The following ZNF611 variants were observed in gnomAD, a reference collection of about 807,000 sequenced individuals.
ZNF611 encodes zinc finger protein 611.
ZNF611 carries 6 observed loss-of-function variants against 8.9 expected under a neutral mutation model. The observed-to-expected ratio is 0.68, with a 90% CI of 0.37 to 1.34. ZNF611 has a LOEUF of 1.34. Ranked by LOEUF, ZNF611 falls within the 40% of genes most tolerant of loss-of-function variation. ZNF611 has a pLI of 0.02. For synonymous variants in ZNF611, 262 were observed against 279.7 expected, an observed-to-expected ratio of 0.94 and a Z score of 0.63; for missense variants, 874 against 841.3, an observed-to-expected ratio of 1.04 and a Z score of -0.48.
intron 3 of ZNF611, among the ~76,000 whole-genome samples, chr19:52,720,741 C>T (rs59745462): frequency 0.021 from 2,958 of 141,782 alleles, 98 homozygotes; most frequent in African/African-American, 0.079. Context: ...ACATCCCAGA[C>T]GGGGTGGCCA....
chr19:52,707,408 T>C (rs1451277973), intron 5 of ZNF611: 2 of 152,244 alleles, frequency 1.3e-5, no homozygotes, highest in African/African-American at 4.8e-5. Context: ...TAGCCAGGTA[T>C]GGTGGCCCAT....
chr19:52,716,244 C>T (rs2062316673), intron 3 of ZNF611: 1 of 219,836 alleles, frequency 4.5e-6, no homozygotes, highest in Non-Finnish European at 9.1e-6. Context: ...CTGTGGATCA[C>T]AGGCTGAGGT....
intron 3 of ZNF611, among the ~76,000 whole-genome samples, chr19:52,722,052 A>AAAT (rs139356801): frequency 3.3e-5 from 5 of 151,826 alleles, no homozygotes; most frequent in African/African-American, 7.3e-5. Context: ...CTCCACTGCA[A>AAAT]AATAATAATA....
intron 1 of ZNF611, among the ~76,000 whole-genome samples, chr19:52,733,507 G>A (rs2062438118): frequency 6.6e-6 from 1 of 151,086 alleles, no homozygotes; most frequent in Non-Finnish European, 1.5e-5. Context: ...TCACTATGTT[G>A]CCCAAGCTGG....
Position 52,704,433 on chromosome 19 carries a change from C to T in ZNF611, c.*504G>A, listed in dbSNP as rs1182100348. 43 of 713,506 alleles carry T rather than the reference C, an allele frequency of 6.0e-5. 2 individuals carry two copies. Among genetic ancestry groups the T allele is most frequent in the South Asian group, 5.8e-4 (41 of 70,526 alleles). The allele number at this position is 713,506 out of a possible 1,614,324, so 44.2% of individuals were successfully genotyped here. ...CAAAGGCTTTGCCACAATCATCACACTTGTGAGGTTTCTCTCCTGTATAAA... is the reference window on the plus strand; with the variant it reads ...CAAAGGCTTTGCCACAATCATCACATTTGTGAGGTTTCTCTCCTGTATAAA... On this transcript the variant is annotated 3_prime_UTR_variant, in exon 6 of 6. Coordinates refer to ENST00000652185, the MANE Select transcript of ZNF611 (RefSeq NM_001161499.2).
intron 3 of ZNF611, among the ~76,000 whole-genome samples, chr19:52,720,022 C>T (rs895594481): frequency 1.2e-4 from 18 of 151,186 alleles, no homozygotes; most frequent in African/African-American, 2.9e-4. Flanking sequence ...CATCTTGCAC[C>T]GCCCTTAATC....
At chr19:52,714,202 AAAATGAG>A (rs1568603404) in intron 4 of ZNF611, 61 bp from the exon 5 acceptor site, 1 of 1,582,866 alleles carries the variant, frequency 6.3e-7, no homozygotes, top group African/African-American at 1.4e-5. Flanking sequence ...ACCTTCACAG[AAAATGAG>A]AAATGAGAAA....
Position 52,703,122 on chromosome 19 carries a change from T to G in ZNF611, c.*1815A>C, listed in dbSNP as rs1390354392. ...GGCATCTTTCAGAAGTCATTATGTA[T>G]TAAGAAATACAACTTTTATAACTTA... On this transcript the variant is annotated 3_prime_UTR_variant, in exon 6 of 6. Coordinates refer to ENST00000652185, the MANE Select transcript of ZNF611 (RefSeq NM_001161499.2). 6 of 152,074 alleles carry G rather than the reference T, an allele frequency of 3.9e-5. No individual in the cohort carries two copies. The highest frequency in any genetic ancestry group is 3.2e-3 in the Middle Eastern group (1 of 316). 9.4% of individuals were successfully genotyped at this position (152,074 alleles called of 1,614,324 possible). A position where few individuals can be genotyped will look rare whatever the true frequency, so the allele number is the denominator to read the frequency against.
chr19:52,706,064 G>C lies in ZNF611; in HGVS notation c.991C>G (p.Leu331Val), dbSNP rs140342144. The change falls in exon 6 of 6, where the codon CTA becomes GTA. Residue 331 changes from leucine (L) to valine (V), a missense_variant. Leu to Val is a conservative substitution (Grantham distance 32, BLOSUM62 1). Transcript: ENST00000652185. ...CCAGTATCAATTGCCTTATCAATTA[G>C]AAGGGCTGAATTTTGACCAAAGATC... Reference protein sequence around the residue: ...GKIFGQNSALLIDKAIDTGEN... With the variant: ...GKIFGQNSALVIDKAIDTGEN... The C allele has an allele frequency of 2.5e-6, 4 of 1,613,832 alleles. No homozygotes were observed. In the African/African-American group the frequency reaches 4.0e-5, roughly 16 times the overall value.
chr19:52,720,778 TG>T, intron 3 of ZNF611: 1 of 93,518 alleles, frequency 1.1e-5, no homozygotes, highest in Non-Finnish European at 2.1e-5. Context: ...ACTTCCCCGA[TG>T]GGGTGGCGGC....
chr19:52,711,842 T>A (rs2062282279), intron 5 of ZNF611, among the ~76,000 whole-genome samples: 1 of 152,026 alleles, frequency 6.6e-6, no homozygotes, highest in African/African-American at 2.4e-5. Context: ...GGTATTTGCA[T>A]CCAGATCAAT....
In ZNF611 at chr19:52,713,899, A is replaced by G. The variant is rs1285245257; in HGVS notation, c.190+116T>C. Reference sequence around the variant, plus strand: ...GGAGCGAAACACCATCTCAAAAACAAAAAACAAAAAACAAAACCCATGTAT... The same window carrying G: ...GGAGCGAAACACCATCTCAAAAACAGAAAACAAAAAACAAAACCCATGTAT... On this transcript the variant is annotated intron_variant, in intron 5 of 5. Coordinates refer to ENST00000652185, the MANE Select transcript of ZNF611 (RefSeq NM_001161499.2). 12 of 1,555,088 alleles carry G rather than the reference A, an allele frequency of 7.7e-6. No homozygotes were observed. In the East Asian group the frequency reaches 2.5e-4, roughly 32 times the overall value.
At chr19:52,713,460 T>C (rs1797744026) in intron 5 of ZNF611, among the ~76,000 whole-genome samples, 2 of 152,132 alleles carry the variant, frequency 1.3e-5, no homozygotes, top group African/African-American at 4.8e-5. Flanking sequence ...CTCATACATA[T>C]GAGGCTGTGA....
At chr19:52,716,155 C>G in intron 3 of ZNF611, 1 of 454,124 alleles carries the variant, frequency 2.2e-6, no homozygotes, top group East Asian at 3.7e-5. Context: ...CAGTGGGGAG[C>G]TGGGCTGGAC....
chr19:52,715,653 C>T (rs765754075), intron 4 of ZNF611, among the ~76,000 whole-genome samples, 179 bp downstream of exon 4: 3 of 152,106 alleles, frequency 2.0e-5, no homozygotes, highest in Non-Finnish European at 4.4e-5. Context: ...AAGTTCATGT[C>T]ACTGGGTCAC....
intron 1 of ZNF611, among the ~76,000 whole-genome samples, chr19:52,732,505 A>T (rs34729033): frequency 3.2e-4 from 15 of 46,476 alleles, no homozygotes; most frequent in African/African-American, 5.4e-4. Flanking sequence ...TGAGTTATTC[A>T]GAATAACTCA....
chr19:52,705,586 G>T lies in ZNF611; in HGVS notation c.1469C>A (p.Thr490Asn), dbSNP rs1006469999. 6.2e-7 allele frequency: 1 copy of T among 1,613,770 alleles called. No homozygotes were observed. Among genetic ancestry groups the T allele is most frequent in the South Asian group, 1.1e-5 (1 of 91,056 alleles). ...KPYKCNECGKTFGQNSDLLIH... is the reference protein window; with the variant it reads ...KPYKCNECGKNFGQNSDLLIH... ...TAAAAGATCTGAATTTTGACCAAAGGTCTTCCCACATTCATTACACTTGTA... is the reference window on the plus strand; with the variant it reads ...TAAAAGATCTGAATTTTGACCAAAGTTCTTCCCACATTCATTACACTTGTA... The change falls in exon 6 of 6, where the codon ACC becomes AAC. Residue 490 changes from threonine (T) to asparagine (N), a missense_variant. Transcript: ENST00000652185.
At chr19:52,732,983 T>A (rs2062435259) in intron 1 of ZNF611, among the ~76,000 whole-genome samples, 1 of 133,818 alleles carries the variant, frequency 7.5e-6, no homozygotes, top group Non-Finnish European at 1.6e-5. Context: ...TAATTAAATG[T>A]ATTTTGTAAC....
chr19:52,718,356 T>G (rs2062331860), intron 3 of ZNF611, among the ~76,000 whole-genome samples: 1 of 151,474 alleles, frequency 6.6e-6, no homozygotes, highest in Non-Finnish European at 1.5e-5. Context: ...TATCTAAACA[T>G]TAGCCAGGCC....
Sources: gnomAD v4.1 joint callset for allele counts (sites outside exome capture counted in the v4.1 genomes callset) on GRCh38, gnomAD v4.1.1 for gene constraint, MANE v1.5 for transcripts, NCBI Gene and HGNC (gene_info 2026-07-23, HGNC 2026-07-21) for gene names.